FNTB: variants seen among roughly 807,000 people sequenced by gnomAD.
FNTB encodes protein farnesyltransferase subunit beta.
Under a neutral mutation model 59.4 loss-of-function variants are expected in FNTB, and 27 were observed. The observed-to-expected ratio is 0.45, with a 90% CI of 0.34 to 0.63. The LOEUF (loss-of-function observed/expected upper bound fraction) is 0.63. Ranked by LOEUF, FNTB falls within the 20% of genes least tolerant of loss-of-function variation. The pLI is 0.02. For synonymous variants in FNTB, 230 were observed against 220.7 expected, an observed-to-expected ratio of 1.04 and a Z score of -0.37; for missense variants, 449 against 559.6, an observed-to-expected ratio of 0.80 and a Z score of 1.99.
intron 4 of FNTB, among the ~76,000 whole-genome samples, chr14:65,025,581 G>A (rs1472761589): frequency 1.3e-5 from 2 of 152,172 alleles, no homozygotes; most frequent in Non-Finnish European, 2.9e-5. Context: ...TTGGGAGTCC[G>A]AGGTGGGAGG....
In FNTB at chr14:65,000,838, A is replaced by AAAAAAAAAAAAAAAAAAAAAAAAG. The variant is rs778200008; in HGVS notation, c.145-3408_145-3407insAAAAAAAAAAAAAAAAAAAAGAAA. On this transcript the variant is annotated intron_variant, in intron 1 of 11. Transcript: ENST00000246166. ...CTCAAAAAAAAAAAAAAAAAAAAAA[A>AAAAAAAAAAAAAAAAAAAAAAAAG]AAAGAATAGTTACCCAAAAAGCTGG... Among the ~76,000 whole-genome samples, 227 of 116,040 alleles carry AAAAAAAAAAAAAAAAAAAAAAAAG rather than the reference A, an allele frequency of 2.0e-3. 23 individuals are homozygous for AAAAAAAAAAAAAAAAAAAAAAAAG. The highest frequency in any genetic ancestry group is 3.3e-3 in the Non-Finnish European group (165 of 49,706). 76.1% of individuals were successfully genotyped at this position (116,040 alleles called of 152,430 possible). A position where few individuals can be genotyped will look rare whatever the true frequency, so the allele number is the denominator to read the frequency against.
Position 64,997,751 on chromosome 14 carries a change from G to T in FNTB, c.145-6498G>T, listed in dbSNP as rs555930014. On this transcript the variant is annotated intron_variant, in intron 1 of 11. Transcript: ENST00000246166. The surrounding 1 kb of genome is among the most constrained non-coding windows in gnomAD (Gnocchi z 4.5). ...AAACAAGGATAAGGTTTGTTATGCA[G>T]GTTTAGGCAGGTGCCTTCTCCATTG... Among the ~76,000 whole-genome samples, 1 of 152,362 alleles carries T rather than the reference G, an allele frequency of 6.6e-6. No homozygotes were observed. The highest frequency in any genetic ancestry group is 2.1e-4 in the South Asian group (1 of 4,830).
intron 7 of FNTB, among the ~76,000 whole-genome samples, chr14:65,036,332 G>A (rs368203592): frequency 5.9e-4 from 90 of 151,780 alleles, no homozygotes; most frequent in African/African-American, 2.1e-3. Context: ...GACCTCCTGG[G>A]TTCAAGTGAT....
chr14:65,040,643 GTTAA>G (rs1325709872), intron 7 of FNTB, 143 bp from the exon 8 acceptor site: 4 of 379,654 alleles, frequency 1.1e-5, no homozygotes, highest in African/African-American at 8.8e-5. Context: ...ATTTCCAAAA[GTTAA>G]TTAGTTGGCA....
chr14:64,995,730 T>A (rs1888368302), intron 1 of FNTB, among the ~76,000 whole-genome samples: 1 of 150,460 alleles, frequency 6.6e-6, no homozygotes, highest in Admixed American at 6.6e-5. Context: ...ATATTTTATA[T>A]ATATACATGT....
rs574289378 is a variant in FNTB, at chr14:65,020,012, T to C, written c.374+4296T>C. On this transcript the variant is annotated intron_variant, in intron 4 of 11. Transcript: ENST00000246166. The stretch of plus-strand genomic sequence containing the variant: ...ATTAAGGTGACCTAGAGTCAAAAAG[T>C]CTAGCTCTGCAGTTTTATTATTTTC... Among the ~76,000 whole-genome samples, 6 of 152,324 alleles carry C rather than the reference T, an allele frequency of 3.9e-5. No individual in the cohort carries two copies. In the South Asian group the frequency reaches 1.0e-3, roughly 26 times the overall value.
In FNTB at chr14:65,012,193, G is replaced by C. The variant is rs1485115142; in HGVS notation, c.210-124G>C. ...AACCAGAGAAGTTGCTGGTTATCCA[G>C]TCAGTGATTGCAGGGGGACGTCCTG... On this transcript the variant is annotated intron_variant, in intron 2 of 11. Coordinates refer to ENST00000246166, the MANE Select transcript of FNTB (RefSeq NM_002028.4). This position sits in a 1 kb window ranked among gnomAD's most constrained non-coding sequence, Gnocchi z 5.0. 1.7e-6 allele frequency: 2 copies of C among 1,176,594 alleles called. No individual in the cohort carries two copies. Among genetic ancestry groups the C allele is most frequent in the Non-Finnish European group, 2.4e-6 (2 of 816,466 alleles). 72.9% of individuals were successfully genotyped at this position (1,176,594 alleles called of 1,614,324 possible). A position where few individuals can be genotyped will look rare whatever the true frequency, so the allele number is the denominator to read the frequency against.
Position 65,014,137 on chromosome 14 carries a change from C to A in FNTB, c.283-1488C>A, listed in dbSNP as rs772528729. 6.6e-6 allele frequency among the ~76,000 whole-genome samples: 1 copy of A among 152,204 alleles called. No individual in the cohort carries two copies. The highest frequency in any genetic ancestry group is 1.5e-5 in the Non-Finnish European group (1 of 68,040). On this transcript the variant is annotated intron_variant, in intron 3 of 11. Coordinates refer to ENST00000246166, the MANE Select transcript of FNTB (RefSeq NM_002028.4). This position sits in a 1 kb window ranked among gnomAD's most constrained non-coding sequence, Gnocchi z 5.1. ...TGGATTGACTCTAAAAACCTAGGTTCTTGTCTCACCTCTGACATTTGCTAT... is the reference window on the plus strand; with the variant it reads ...TGGATTGACTCTAAAAACCTAGGTTATTGTCTCACCTCTGACATTTGCTAT...
chr14:65,017,249 G>T (rs1724577498), intron 4 of FNTB, among the ~76,000 whole-genome samples: 1 of 152,078 alleles, frequency 6.6e-6, no homozygotes, highest in Admixed American at 6.6e-5. Flanking sequence ...TACCAGCTCG[G>T]GGGCCTGGGG....
rs976217891 is a variant in FNTB at position 65,028,688 on chromosome 14, C to G, written c.605+907C>G. Among the ~76,000 whole-genome samples, 2 of 152,176 alleles carry G rather than the reference C, an allele frequency of 1.3e-5. No homozygotes were observed. The highest frequency in any genetic ancestry group is 4.8e-5 in the African/African-American group (2 of 41,440). On this transcript the variant is annotated intron_variant, in intron 6 of 11. Coordinates refer to ENST00000246166, the MANE Select transcript of FNTB (RefSeq NM_002028.4). This position sits in a 1 kb window ranked among gnomAD's most constrained non-coding sequence, Gnocchi z 4.4. ...AAGGCCTTTAGTTCAAGATGTTCTT[C>G]TATCTCTAACTTGTCTAATCCAACC...
chr14:65,039,530 T>C (rs1419348126), intron 7 of FNTB, among the ~76,000 whole-genome samples: 1 of 152,222 alleles, frequency 6.6e-6, no homozygotes, highest in East Asian at 1.9e-4. Flanking sequence ...GGAGGTTCCC[T>C]GTATCTCTAA....
chr14:65,021,742 T>C (rs111902422), intron 4 of FNTB, among the ~76,000 whole-genome samples: 2,957 of 152,144 alleles, frequency 0.019, 86 homozygotes, highest in East Asian at 0.085. Context: ...ACCTTCCGGG[T>C]TCAAGCGATT....
chr14:65,005,575 T>C (rs2061574623), intron 2 of FNTB, among the ~76,000 whole-genome samples: 1 of 151,254 alleles, frequency 6.6e-6, no homozygotes, highest in African/African-American at 2.4e-5. Flanking sequence ...TCTCTCTTTC[T>C]GTCTCTGTCT....
chr14:65,013,632 C>T (rs931117311), intron 3 of FNTB, among the ~76,000 whole-genome samples: 1 of 152,220 alleles, frequency 6.6e-6, no homozygotes, highest in Non-Finnish European at 1.5e-5. Flanking sequence ...TCACTGCAAC[C>T]TCCGCCTCAG....
chr14:65,056,925 T>TG (rs1156472329), intron 11 of FNTB, among the ~76,000 whole-genome samples: 3 of 152,220 alleles, frequency 2.0e-5, no homozygotes, highest in Admixed American at 6.5e-5. Context: ...TGGCAAGGGT[T>TG]GTGCTGCATT....
At position 64,997,483 on chromosome 14, in the gene FNTB, ACT is replaced by A. The variant is rs1293438698; in HGVS notation, c.145-6763_145-6762del. On this transcript the variant is annotated intron_variant, in intron 1 of 11. Transcript: ENST00000246166. The surrounding 1 kb of genome is among the most constrained non-coding windows in gnomAD (Gnocchi z 4.5). ...TTTGGGAAAATTGATTTGAGTAATA[ACT>A]CTGTCTCCAGTGTGGTGTTGCCAGC... Among the ~76,000 whole-genome samples, 4 of 152,096 alleles carry A rather than the reference ACT, an allele frequency of 2.6e-5. No homozygotes were observed. The highest frequency in any genetic ancestry group is 9.7e-5 in the African/African-American group (4 of 41,402).
rs754229565 is a variant in FNTB, at chr14:65,012,375, A to G, written c.268A>G (p.Thr90Ala). Reference sequence around the variant, plus strand: ...TCTGAAAAGAGGCCTTCGACAACTGACAGATGCCTATGAGGTAAACACATT... The same window carrying G: ...TCTGAAAAGAGGCCTTCGACAACTGGCAGATGCCTATGAGGTAAACACATT... ...HYLKRGLRQLTDAYECLDASR... is the reference protein window; with the variant it reads ...HYLKRGLRQLADAYECLDASR... The change falls in exon 3 of 12, where the codon ACA (threonine) becomes GCA (alanine). Residue 90 changes from threonine (T) to alanine (A), a missense_variant. Thr to Ala is a moderately conservative substitution (Grantham distance 58, BLOSUM62 0). Around this residue, in one of 2 missense-constraint regions of FNTB, gnomAD observed 337 missense variants for 479.1 expected, o/e 0.70. Transcript: ENST00000246166. This position sits in a 1 kb window ranked among gnomAD's most constrained non-coding sequence, Gnocchi z 5.0. 6.2e-7 allele frequency: 1 copy of G among 1,614,164 alleles called. No individual in the cohort carries two copies. The highest frequency in any genetic ancestry group is 8.5e-7 in the Non-Finnish European group (1 of 1,179,992).
intron 4 of FNTB, among the ~76,000 whole-genome samples, chr14:65,021,712 C>A (rs2061888922): frequency 6.6e-6 from 1 of 152,222 alleles, no homozygotes; most frequent in Admixed American, 6.5e-5. Context: ...CTGGTGCAAT[C>A]TCAGCTCACT....
Position 64,986,914 on chromosome 14 carries a change from C to G in FNTB, c.-40C>G, listed in dbSNP as rs770722527. 3 of 1,611,588 alleles carry G rather than the reference C, an allele frequency of 1.9e-6. No individual in the cohort carries two copies. The African/African-American group carries it at 4.0e-5, about 22-fold the overall frequency. Reference sequence around the variant, plus strand: ...AGTTTCAATGCGCGTTGTTGCTTAACGAAGCAGAGTCCTACACACTGTCTG... The same window carrying G: ...AGTTTCAATGCGCGTTGTTGCTTAAGGAAGCAGAGTCCTACACACTGTCTG... On this transcript the variant is annotated 5_prime_UTR_variant, in exon 1 of 12. Coordinates refer to ENST00000246166, the MANE Select transcript of FNTB (RefSeq NM_002028.4).
Sources: gnomAD v4.1 joint callset for allele counts (sites outside exome capture counted in the v4.1 genomes callset) on GRCh38, gnomAD v4.1.1 for gene constraint, gnomAD v4.1.1 regional missense constraint, Gnocchi (gnomAD v3.1) non-coding constraint, MANE v1.5 for transcripts, NCBI Gene and HGNC (gene_info 2026-07-23, HGNC 2026-07-21) for gene names.